CEP85L: variants seen among roughly 807,000 people sequenced by gnomAD.
CEP85L encodes the protein centrosomal protein of 85 kDa-like.
CEP85L carries 60 observed loss-of-function variants against 100.3 expected under a neutral mutation model. That is an observed-to-expected ratio of 0.60 (90% CI 0.49 to 0.74). The LOEUF is 0.74. CEP85L is among the 30% of genes least tolerant of loss of function. CEP85L has a pLI of 0.00. For missense variants in CEP85L, 973 were observed against 936.2 expected (o/e 1.04, Z -0.51); for synonymous variants, 319 against 322.7 (o/e 0.99, Z 0.12).
chr6:118,535,434 C>T (rs187984822), intron 3 of CEP85L, among the ~76,000 whole-genome samples: 2 of 152,332 alleles, frequency 1.3e-5, no homozygotes, highest in Admixed American at 1.3e-4. Context: ...TCGCACACTT[C>T]TCTTGTAGTA....
intron 1 of CEP85L, among the ~76,000 whole-genome samples, chr6:118,662,241 A>T (rs1158031510): frequency 6.6e-6 from 1 of 152,180 alleles, no homozygotes; most frequent in Non-Finnish European, 1.5e-5. Flanking sequence ...AAAGAATAGT[A>T]TGAATTGGCC....
At chr6:118,564,345 T>C (rs1240994234) in intron 3 of CEP85L, among the ~76,000 whole-genome samples, 2 of 152,230 alleles carry the variant, frequency 1.3e-5, no homozygotes, top group African/African-American at 2.4e-5. Context: ...GGATCTCTGT[T>C]TTCCTATAAT....
chr6:118,535,878 T>C (rs1282511125), intron 3 of CEP85L, among the ~76,000 whole-genome samples: 11 of 152,210 alleles, frequency 7.2e-5, no homozygotes, highest in African/African-American at 2.4e-4. Context: ...ATCTTATAGA[T>C]TTAATTTATT....
chr6:118,660,329 A>G (rs1249686201), intron 1 of CEP85L, among the ~76,000 whole-genome samples: 2 of 152,260 alleles, frequency 1.3e-5, no homozygotes, highest in East Asian at 1.9e-4. Context: ...GAAGACCTCA[A>G]GTAAGAGCCA....
intron 3 of CEP85L, chr6:118,559,778 T>G (rs969560571): frequency 2.4e-5 from 4 of 168,212 alleles, no homozygotes; most frequent in African/African-American, 9.6e-5. Flanking sequence ...TTCTAGTACA[T>G]GTAGGTAAAT....
chr6:118,687,397 T>G (rs529800953), intron 1 of CEP85L, among the ~76,000 whole-genome samples: 2 of 152,282 alleles, frequency 1.3e-5, no homozygotes, highest in Non-Finnish European at 2.9e-5. Context: ...CAGGACTAGC[T>G]GGATTTCCTA....
chr6:118,586,326 C>T lies in CEP85L; in HGVS notation c.233-20010G>A, dbSNP rs775872276. On this transcript the variant is annotated intron_variant, in intron 2 of 12. Transcript: ENST00000368491. Reference sequence around the variant, plus strand: ...CTTACCAATGATTTTTCTATTAGATCGGGAAACCTCTGAGCTAGTTAAGCA... The same window carrying T: ...CTTACCAATGATTTTTCTATTAGATTGGGAAACCTCTGAGCTAGTTAAGCA... Among the ~76,000 whole-genome samples the T allele has an allele frequency of 3.9e-5, 6 of 152,222 alleles. No individual in the cohort carries two copies. The East Asian group carries it at 1.2e-3, about 29-fold the overall frequency.
At chr6:118,481,467 T>C (rs1773777643) in intron 8 of CEP85L, among the ~76,000 whole-genome samples, 1 of 152,100 alleles carries the variant, frequency 6.6e-6, no homozygotes, top group African/African-American at 2.4e-5. Flanking sequence ...AAATCTGAAA[T>C]GTGTCAAAAT....
At position 118,681,611 on chromosome 6, in the gene CEP85L, C is replaced by T. The variant is rs561538118; in HGVS notation, c.-28+28425G>A. 1.3e-4 allele frequency among the ~76,000 whole-genome samples: 19 copies of T among 151,746 alleles called. No individual in the cohort carries two copies. The East Asian group carries it at 3.5e-3, about 28-fold the overall frequency. On this transcript the variant is annotated intron_variant, in intron 1 of 13. Coordinates refer to the CEP85L transcript ENST00000368488. ...TTTTAAAAATAGTATTTTGGACTTC[C>T]CTCGAAATTTTCCTGCAATGTCACT...
chr6:118,494,293 G>GT (rs951533886), intron 5 of CEP85L, among the ~76,000 whole-genome samples: 5 of 152,172 alleles, frequency 3.3e-5, no homozygotes, highest in Non-Finnish European at 5.9e-5. Flanking sequence ...TCTTCAGTGA[G>GT]TATCAGAGAA....
chr6:118,675,220 C>A (rs1253094041), intron 1 of CEP85L, among the ~76,000 whole-genome samples: 2 of 151,986 alleles, frequency 1.3e-5, no homozygotes, highest in African/African-American at 4.8e-5. Flanking sequence ...AATCCCGACA[C>A]AAAAACCACA....
At chr6:118,612,438 A>C (rs1476626009) in intron 2 of CEP85L, among the ~76,000 whole-genome samples, 1 of 150,966 alleles carries the variant, frequency 6.6e-6, no homozygotes, top group Non-Finnish European at 1.5e-5. Flanking sequence ...CGGGTGGATC[A>C]TGAGGTCAGG....
chr6:118,548,140 G>A (rs747630874), intron 3 of CEP85L, among the ~76,000 whole-genome samples: 1 of 152,088 alleles, frequency 6.6e-6, no homozygotes, highest in Admixed American at 6.6e-5. Flanking sequence ...AGCACAAAGT[G>A]TTAATGACTT....
intron 2 of CEP85L, among the ~76,000 whole-genome samples, chr6:118,617,713 T>C (rs983898321): frequency 6.6e-6 from 1 of 152,108 alleles, no homozygotes; most frequent in African/African-American, 2.4e-5. Context: ...TCATTCTCTC[T>C]CTTGGTCCAA....
intron 3 of CEP85L, chr6:118,537,919 G>A: frequency 2.0e-6 from 2 of 983,550 alleles, no homozygotes; most frequent in South Asian, 4.7e-5. Context: ...TACTCTACAA[G>A]TGTTTTCTGG....
chr6:118,651,903 C>T (rs1195585352), upstream of CEP85L: 32 of 985,476 alleles, frequency 3.2e-5, no homozygotes, highest in Non-Finnish European at 3.6e-5. Context: ...CCGGGCACCT[C>T]TGTGAAGACA....
At chr6:118,542,811 A>G (rs1777969119) in intron 3 of CEP85L, among the ~76,000 whole-genome samples, 1 of 147,670 alleles carries the variant, frequency 6.8e-6, no homozygotes, top group African/African-American at 2.5e-5. Flanking sequence ...TTTTGGGCTG[A>G]GTCTTAACAG....
intron 3 of CEP85L, among the ~76,000 whole-genome samples, chr6:118,528,320 C>T (rs535869341): frequency 3.3e-4 from 50 of 151,840 alleles, no homozygotes; most frequent in African/African-American, 1.2e-3. Context: ...GCTTTCATAG[C>T]ACTTTGAACC....
Position 118,565,528 on chromosome 6 carries a change from C to T in CEP85L, c.1020+1G>A. 6.2e-7 allele frequency: 1 copy of T among 1,613,958 alleles called. No homozygotes were observed. Among genetic ancestry groups the T allele is most frequent in the Non-Finnish European group, 8.5e-7 (1 of 1,179,844 alleles). ...AGCAAACACTAGATTTTGCACCTTA[C>T]CTGCATTGGTGTTTCACTTCCTTGT... On this transcript the variant is annotated splice_donor_variant, in intron 3 of 12. Coordinates refer to ENST00000368491, the MANE Select transcript of CEP85L (RefSeq NM_001042475.3). LOFTEE classifies it high-confidence loss of function.
Sources: allele counts gnomAD v4.1 joint callset (sites outside exome capture counted in the v4.1 genomes callset), GRCh38; gene constraint gnomAD v4.1.1; transcripts MANE v1.5; gene names NCBI Gene and HGNC (gene_info 2026-07-23, HGNC 2026-07-21).